NTM: variants seen among roughly 807,000 people sequenced by gnomAD.
The protein encoded by NTM is neurotrimin, also known as IgLON family member 2.
In NTM, 13 loss-of-function variants were observed where a neutral mutation model predicts 42.1. The ratio of observed to expected loss-of-function variants is 0.31; its 90% CI spans 0.20 to 0.49. The LOEUF (loss-of-function observed/expected upper bound fraction) is 0.49, where lower values mean the gene tolerates loss of function less well. NTM is among the 20% of genes least tolerant of loss of function. NTM has a pLI of 0.99. For missense variants in NTM, 373 were observed against 452.8 expected (o/e 0.82, Z 1.60); for synonymous variants, 187 against 179.2 (o/e 1.04, Z -0.35).
intron 1 of NTM, among the ~76,000 whole-genome samples, chr11:131,858,012 C>A (rs539981232): frequency 6.6e-6 from 1 of 151,958 alleles, no homozygotes; most frequent in South Asian, 2.1e-4. Context: ...CCTCTCTCTG[C>A]CTACTCCATC....
At chr11:131,413,376 C>A (rs757753812) in intron 1 of NTM, among the ~76,000 whole-genome samples, 5 of 152,176 alleles carry the variant, frequency 3.3e-5, no homozygotes, top group Non-Finnish European at 7.3e-5. Flanking sequence ...GAGCGCCAGC[C>A]CACCCACTGT....
intron 1 of NTM, among the ~76,000 whole-genome samples, chr11:131,836,470 G>A (rs188774592): frequency 1.3e-5 from 2 of 152,290 alleles, no homozygotes; most frequent in East Asian, 1.9e-4. Flanking sequence ...TATAGACAGT[G>A]AATTTTGACA....
At chr11:132,248,354 A>G in intron 4 of NTM, among the ~76,000 whole-genome samples, 1 of 150,380 alleles carries the variant, frequency 6.6e-6, no homozygotes, top group East Asian at 2.0e-4. Flanking sequence ...TTATCCTCCT[A>G]CACTATAATT....
At chr11:131,625,760 C>T (rs1221405588) in intron 1 of NTM, among the ~76,000 whole-genome samples, 2 of 152,146 alleles carry the variant, frequency 1.3e-5, no homozygotes, top group African/African-American at 4.8e-5. Flanking sequence ...CAACTTGATG[C>T]CAGCCTCCCT....
chr11:131,542,230 C>T (rs1393954348), intron 1 of NTM, among the ~76,000 whole-genome samples: 2 of 152,206 alleles, frequency 1.3e-5, no homozygotes, highest in South Asian at 2.1e-4. Context: ...GTCAAGAAGG[C>T]CTCAGAGTTA....
At chr11:131,969,438 A>G (rs1021898291) in intron 2 of NTM, among the ~76,000 whole-genome samples, 13 of 152,158 alleles carry the variant, frequency 8.5e-5, no homozygotes, top group Admixed American at 4.6e-4. Flanking sequence ...TTTTTCTGCA[A>G]TTACTCAAAA....
At chr11:131,441,519 G>A (rs1409341610) in intron 1 of NTM, among the ~76,000 whole-genome samples, 1 of 152,122 alleles carries the variant, frequency 6.6e-6, no homozygotes, top group Non-Finnish European at 1.5e-5. Context: ...GTAGGGAAGG[G>A]GAAAAGAAGA....
intron 1 of NTM, among the ~76,000 whole-genome samples, chr11:131,496,618 C>A (rs1422059976): frequency 6.6e-6 from 1 of 152,200 alleles, no homozygotes; most frequent in African/African-American, 2.4e-5. Flanking sequence ...AGAGCAAAGC[C>A]CCCTTCACTG....
intron 1 of NTM, among the ~76,000 whole-genome samples, chr11:131,631,932 A>G (rs7925505): frequency 0.026 from 3,923 of 151,984 alleles, 95 homozygotes; most frequent in African/African-American, 0.066. Flanking sequence ...TATTTTATTT[A>G]TTTCCGGGGA....
At chr11:131,875,108 A>G (rs1485688105) in intron 1 of NTM, among the ~76,000 whole-genome samples, 6 of 152,196 alleles carry the variant, frequency 3.9e-5, no homozygotes, top group South Asian at 2.1e-4. Context: ...AAAGCTACTT[A>G]AACCCCATGA....
intron 3 of NTM, among the ~76,000 whole-genome samples, chr11:132,175,242 T>C (rs1476168680): frequency 6.6e-6 from 1 of 152,074 alleles, no homozygotes; most frequent in Admixed American, 6.5e-5. Flanking sequence ...TGAGCTATGA[T>C]CTTCTCTCAG....
chr11:131,995,228 A>G (rs73586649), intron 2 of NTM, among the ~76,000 whole-genome samples: 8,384 of 152,212 alleles, frequency 0.055, 814 homozygotes, highest in African/African-American at 0.19. Flanking sequence ...CCTGTTTTCA[A>G]TCTAGGCCTA....
chr11:132,259,737 T>TTTTG (rs544919719), intron 4 of NTM, among the ~76,000 whole-genome samples: 285 of 151,600 alleles, frequency 1.9e-3, no homozygotes, highest in South Asian at 0.016. Context: ...AGTTTTTTGT[T>TTTTG]TTTGTTTGTT....
intron 1 of NTM, among the ~76,000 whole-genome samples, chr11:131,643,619 G>C (rs1338558136): frequency 6.6e-6 from 1 of 152,132 alleles, no homozygotes; most frequent in Non-Finnish European, 1.5e-5. Context: ...TCATCTAGAG[G>C]GGAGTGCAGG....
At chr11:132,059,749 C>G in intron 2 of NTM, among the ~76,000 whole-genome samples, 1 of 151,716 alleles carries the variant, frequency 6.6e-6, no homozygotes, top group Non-Finnish European at 1.5e-5. Context: ...CCCATCACCC[C>G]CTGCCACGAG....
chr11:132,300,961 C>A (rs976136101), intron 4 of NTM, among the ~76,000 whole-genome samples: 2 of 152,148 alleles, frequency 1.3e-5, no homozygotes, highest in Non-Finnish European at 2.9e-5. Context: ...TCAAGGGGGA[C>A]CTGGTGTGAA....
At chr11:131,825,911 T>C (rs931318223) in intron 1 of NTM, among the ~76,000 whole-genome samples, 3 of 152,166 alleles carry the variant, frequency 2.0e-5, no homozygotes, top group Non-Finnish European at 4.4e-5. Context: ...GAATATGTTT[T>C]TGGAGGATTT....
chr11:132,200,189 C>T (rs371140916), intron 3 of NTM, among the ~76,000 whole-genome samples: 13 of 152,280 alleles, frequency 8.5e-5, no homozygotes, highest in East Asian at 3.9e-4. Context: ...ACAAAATCAA[C>T]GGATAAGTTT....
Position 132,103,110 on chromosome 11 carries a change from G to A in NTM, c.168-43172G>A, listed in dbSNP as rs145268875. ...TCCCTACCATGCCTATTGTGGAACC[G>A]CAGGGGCAGATGTTTCTGGAGGTGA... On this transcript the variant is annotated intron_variant, in intron 2 of 8. Coordinates refer to ENST00000683400, the MANE Select transcript of NTM (RefSeq NM_001352005.2). 4.5e-4 allele frequency among the ~76,000 whole-genome samples: 69 copies of A among 152,340 alleles called. 1 individual carries two copies. The East Asian group carries it at 0.013, about 28-fold the overall frequency.
Sources: allele counts gnomAD v4.1 joint callset (sites outside exome capture counted in the v4.1 genomes callset), GRCh38; gene constraint gnomAD v4.1.1; transcripts MANE v1.5; gene names NCBI Gene and HGNC (gene_info 2026-07-23, HGNC 2026-07-21).